NHSL1: variants seen among roughly 807,000 people sequenced by gnomAD.
NHSL1 encodes NHS-like protein 1.
In NHSL1, 48 loss-of-function variants were observed where a neutral mutation model predicts 95.0. That is an observed-to-expected ratio of 0.51 (90% CI 0.40 to 0.64). The LOEUF (loss-of-function observed/expected upper bound fraction) is 0.64, where lower values mean the gene tolerates loss of function less well. NHSL1 is among the 30% of genes least tolerant of loss of function. The pLI, the probability that NHSL1 is intolerant of heterozygous loss-of-function variation, is 0.00. For synonymous variants in NHSL1, 783 were observed against 833.9 expected (o/e 0.94, Z 1.05); for missense variants, 1,971 against 2,077.7 (o/e 0.95, Z 1.00).
At chr6:138,552,722 T>C (rs554509665) in intron 1 of NHSL1, among the ~76,000 whole-genome samples, 4 of 152,300 alleles carry the variant, frequency 2.6e-5, no homozygotes, top group African/African-American at 9.6e-5. Context: ...TTAGATAACC[T>C]TCCAGCCTCT....
chr6:138,549,768 C>T (rs1782931789), upstream of NHSL1, among the ~76,000 whole-genome samples: 1 of 152,088 alleles, frequency 6.6e-6, no homozygotes, highest in Non-Finnish European at 1.5e-5. Context: ...TTTTTCCATA[C>T]CCTTGTACTT....
chr6:138,566,024 A>G (rs1783602268), intron 1 of NHSL1, among the ~76,000 whole-genome samples: 1 of 152,002 alleles, frequency 6.6e-6, no homozygotes, highest in Non-Finnish European at 1.5e-5. Context: ...CTGAAATTAC[A>G]TGGAAATATA....
At chr6:138,487,073 C>T (rs1269439774) in intron 2 of NHSL1, among the ~76,000 whole-genome samples, 3 of 152,200 alleles carry the variant, frequency 2.0e-5, no homozygotes, top group East Asian at 3.9e-4. Context: ...AAGAACAAGA[C>T]AAGCTAGCAT....
chr6:138,494,879 T>C (rs150833479), intron 2 of NHSL1, among the ~76,000 whole-genome samples: 1 of 152,348 alleles, frequency 6.6e-6, no homozygotes, highest in Non-Finnish European at 1.5e-5. Flanking sequence ...TCCTTCCTCT[T>C]TGAAGAACTA....
chr6:138,493,708 T>G (rs1463468398), intron 2 of NHSL1, among the ~76,000 whole-genome samples: 2 of 152,204 alleles, frequency 1.3e-5, no homozygotes, highest in East Asian at 1.9e-4. Context: ...TTATTAGCAA[T>G]TTGGTGGAGG....
At chr6:138,634,623 C>T (rs1784864618) in intron 1 of NHSL1, among the ~76,000 whole-genome samples, 1 of 152,178 alleles carries the variant, frequency 6.6e-6, no homozygotes, top group Non-Finnish European at 1.5e-5. Context: ...CAACACCCCA[C>T]TTTCAGCATT....
At chr6:138,525,415 C>A (rs534019866) in intron 1 of NHSL1, among the ~76,000 whole-genome samples, 1 of 151,822 alleles carries the variant, frequency 6.6e-6, no homozygotes, top group South Asian at 2.1e-4. Flanking sequence ...GTAGTCCCAG[C>A]CACTCAGGGT....
chr6:138,658,449 C>G (rs1295634080), intron 1 of NHSL1, among the ~76,000 whole-genome samples: 2 of 152,212 alleles, frequency 1.3e-5, no homozygotes, highest in Admixed American at 1.3e-4. Flanking sequence ...CAGTATTTGA[C>G]TCTATGTCTA....
chr6:138,687,819 G>A (rs567611526), intron 1 of NHSL1, among the ~76,000 whole-genome samples: 238 of 152,116 alleles, frequency 1.6e-3, no homozygotes, highest in Non-Finnish European at 2.5e-3. Context: ...GGTTGCCTAG[G>A]AATGGGAGGG....
Position 138,424,834 on chromosome 6 carries a change from T to A in NHSL1, c.4086-18A>T, listed in dbSNP as rs953386928. The A allele has an allele frequency of 1.9e-6, 3 of 1,542,272 alleles. No individual in the cohort carries two copies. Among genetic ancestry groups the A allele is most frequent in the Non-Finnish European group, 2.6e-6 (3 of 1,141,252 alleles). On this transcript the variant is annotated intron_variant, in intron 7 of 7. Transcript: ENST00000343505. The surrounding 1 kb of genome is among the most constrained non-coding windows in gnomAD (Gnocchi z 5.9). ...TTTTGGATCTGAGATTTAATAACAT[T>A]AAGAAAAAGGTTAATTCCCACGGGA...
chr6:138,579,472 C>T (rs539777978), intron 1 of NHSL1, among the ~76,000 whole-genome samples: 13 of 152,278 alleles, frequency 8.5e-5, no homozygotes, highest in Middle Eastern at 3.4e-3. Flanking sequence ...AATAATAAAA[C>T]CCCATTCATA....
chr6:138,553,680 C>T (rs1233758516), intron 1 of NHSL1, among the ~76,000 whole-genome samples: 4 of 152,140 alleles, frequency 2.6e-5, no homozygotes, highest in African/African-American at 7.2e-5. Flanking sequence ...ATTTTCCTTA[C>T]AATTAAATAG....
At chr6:138,491,535 A>G (rs949498471) in intron 2 of NHSL1, among the ~76,000 whole-genome samples, 3 of 152,210 alleles carry the variant, frequency 2.0e-5, no homozygotes, top group African/African-American at 7.2e-5. Context: ...TAGGTTACTT[A>G]TCATCACAGC....
At position 138,447,205 on chromosome 6, in the gene NHSL1, A is replaced by C; in HGVS notation, c.340-12T>G. On this transcript the variant is annotated splice_polypyrimidine_tract_variant and intron_variant, in intron 3 of 7. Coordinates refer to ENST00000343505, the MANE Select transcript of NHSL1 (RefSeq NM_001144060.2). ...GAAGACAGAGAACACTGCAGAGAAA[A>C]AAGAAGCAGCAGCCACAGTGTATAA... 6.5e-7 allele frequency: 1 copy of C among 1,547,654 alleles called. No homozygotes were observed. The highest frequency in any genetic ancestry group is 8.7e-7 in the Non-Finnish European group (1 of 1,144,952).
intron 2 of NHSL1, among the ~76,000 whole-genome samples, chr6:138,475,712 G>A (rs756459878): frequency 2.5e-4 from 38 of 152,224 alleles, no homozygotes; most frequent in Non-Finnish European, 2.6e-4. Context: ...TTGGGAGGTT[G>A]AGGCCGGTGG....
intron 1 of NHSL1, among the ~76,000 whole-genome samples, chr6:138,594,607 T>C (rs1391370171): frequency 2.0e-5 from 3 of 151,608 alleles, no homozygotes; most frequent in Non-Finnish European, 4.4e-5. Context: ...TACAATACGA[T>C]CCCCAATAAG....
chr6:138,432,882 G>C lies in NHSL1; in HGVS notation c.1463C>G (p.Pro488Arg), dbSNP rs546618623. ...GAGGGACAACAGTGCGGGTTCACCA[G>C]GGGAATGAGGGTCTAAGTCCTGTGA... ...ILSQDLDPHSPGEPALLSLCD... is the reference protein window; with the variant it reads ...ILSQDLDPHSRGEPALLSLCD... The change falls in exon 6 of 8, where the codon CCT becomes CGT. Residue 488 changes from proline (P) to arginine (R), a missense_variant. This residue lies in a region of NHSL1 where 1,602 missense variants were observed against 1,654.5 expected (regional missense o/e 0.97). Transcript: ENST00000343505. The surrounding 1 kb of genome is among the most constrained non-coding windows in gnomAD (Gnocchi z 4.4). 5.2e-6 allele frequency: 8 copies of C among 1,551,606 alleles called. No homozygotes were observed. Among genetic ancestry groups the C allele is most frequent in the Non-Finnish European group, 7.0e-6 (8 of 1,146,904 alleles).
At chr6:138,612,954 G>A (rs1784533811) in intron 1 of NHSL1, among the ~76,000 whole-genome samples, 1 of 152,122 alleles carries the variant, frequency 6.6e-6, no homozygotes, top group South Asian at 2.1e-4. Flanking sequence ...AAGCATTTAT[G>A]CCTTCATCAT....
intron 3 of NHSL1, among the ~76,000 whole-genome samples, chr6:138,462,565 T>A (rs1280354702): frequency 6.6e-6 from 1 of 152,002 alleles, no homozygotes; most frequent in African/African-American, 2.4e-5. Context: ...ACAAACTCCA[T>A]CCATATCCAA....
Sources: allele counts gnomAD v4.1 joint callset (sites outside exome capture counted in the v4.1 genomes callset), GRCh38; gene constraint gnomAD v4.1.1; regional missense constraint gnomAD v4.1.1; non-coding constraint Gnocchi (gnomAD v3.1); transcripts MANE v1.5; gene names NCBI Gene and HGNC (gene_info 2026-07-23, HGNC 2026-07-21).